Variants in SERINC5 observed in about 807,000 individuals in gnomAD.
SERINC5 encodes serine incorporator 5.
Under a neutral mutation model 63.1 loss-of-function variants are expected in SERINC5, and 41 were observed. The observed-to-expected ratio is 0.65, with a 90% confidence interval of 0.51 to 0.84. The LOEUF is 0.84. SERINC5 is among the 40% of genes least tolerant of loss of function. The pLI is 0.00. For synonymous variants in SERINC5, 222 were observed against 215.2 expected (o/e 1.03, Z -0.28); for missense variants, 523 against 573.0 (o/e 0.91, Z 0.89).
At chr5:80,135,561 A>G (rs1745134721), downstream of SERINC5, among the ~76,000 whole-genome samples, 1 of 152,216 alleles carries the variant, frequency 6.6e-6, no homozygotes, top group Non-Finnish European at 1.5e-5. Flanking sequence ...GGATGAGTGT[A>G]TGAAATCTGA....
chr5:80,227,836 G>A (rs1286157152), intron 1 of SERINC5, among the ~76,000 whole-genome samples: 4 of 152,008 alleles, frequency 2.6e-5, no homozygotes, highest in African/African-American at 7.2e-5. Context: ...ACGACAGAGT[G>A]AGACCCTGAC....
intron 1 of SERINC5, among the ~76,000 whole-genome samples, chr5:80,229,607 C>T (rs1466070982): frequency 6.7e-6 from 1 of 150,060 alleles, no homozygotes; most frequent in African/African-American, 2.5e-5. Context: ...AAAACACAGA[C>T]ATTCTGCTTA....
chr5:80,242,140 C>A (rs1751966691), intron 1 of SERINC5, among the ~76,000 whole-genome samples: 1 of 151,514 alleles, frequency 6.6e-6, no homozygotes, highest in African/African-American at 2.4e-5. Flanking sequence ...GAAAACACAA[C>A]AAAACAAAAA....
intron 1 of SERINC5, among the ~76,000 whole-genome samples, chr5:80,236,121 T>C (rs1030000869): frequency 2.8e-4 from 43 of 152,198 alleles, no homozygotes; most frequent in African/African-American, 9.2e-4. Context: ...TACTGACAAC[T>C]TACAATTTGG....
At chr5:80,158,608 C>T (rs1223244779) in intron 8 of SERINC5, 25 of 480,990 alleles carry the variant, frequency 5.2e-5, no homozygotes, top group South Asian at 2.6e-4. Flanking sequence ...GTAAGGTAAA[C>T]GAAGTTCAAA....
At chr5:80,166,119 ACT>A (rs1747283865) in intron 7 of SERINC5, among the ~76,000 whole-genome samples, 1 of 151,774 alleles carries the variant, frequency 6.6e-6, no homozygotes, top group African/African-American at 2.4e-5. Context: ...ATCCAATTAT[ACT>A]CTTTTAGTTA....
At position 80,169,559 on chromosome 5, in the gene SERINC5, G is replaced by C. The variant is rs761686750; in HGVS notation, c.552-13C>G. On this transcript the variant is annotated splice_polypyrimidine_tract_variant and intron_variant, in intron 5 of 11. Coordinates refer to ENST00000507668, the MANE Select transcript of SERINC5 (RefSeq NM_001174072.3). The stretch of plus-strand genomic sequence containing the variant: ...TGTGCCTGCTGTCCTGTTTCTCCGG[G>C]AAGTGGGTAAGAGGGAGAGGAGAGA... The C allele has an allele frequency of 6.2e-7, 1 of 1,603,752 alleles. No homozygotes were observed. The highest frequency in any genetic ancestry group is 8.5e-7 in the Non-Finnish European group (1 of 1,174,220).
chr5:80,211,025 A>G (rs1165555959), intron 1 of SERINC5, among the ~76,000 whole-genome samples: 3 of 152,070 alleles, frequency 2.0e-5, no homozygotes, highest in Non-Finnish European at 4.4e-5. Flanking sequence ...ATCACACCAC[A>G]CTCCTGTCAA....
At chr5:80,209,257 C>G (rs555405899) in intron 1 of SERINC5, among the ~76,000 whole-genome samples, 7 of 152,270 alleles carry the variant, frequency 4.6e-5, no homozygotes, top group Admixed American at 3.3e-4. Flanking sequence ...GGTGACAGAG[C>G]CAGACTCTGT....
intron 1 of SERINC5, among the ~76,000 whole-genome samples, chr5:80,249,843 GTAAC>G (rs1259538662): frequency 2.0e-5 from 3 of 151,934 alleles, no homozygotes; most frequent in Non-Finnish European, 4.4e-5. Flanking sequence ...TTAAATATAA[GTAAC>G]TGACTATAAA....
intron 11 of SERINC5, among the ~76,000 whole-genome samples, chr5:80,121,400 C>G (rs1308359159): frequency 6.6e-6 from 1 of 152,044 alleles, no homozygotes; most frequent in Non-Finnish European, 1.5e-5. Flanking sequence ...AGGATGACCT[C>G]CCTGAGATTG....
At chr5:80,238,874 T>A (rs1751828123) in intron 1 of SERINC5, among the ~76,000 whole-genome samples, 1 of 152,106 alleles carries the variant, frequency 6.6e-6, no homozygotes. Context: ...ATGAGCTCTT[T>A]GTTGAACTGC....
intron 5 of SERINC5, among the ~76,000 whole-genome samples, chr5:80,173,800 C>T (rs538921771): frequency 2.4e-4 from 36 of 151,932 alleles, no homozygotes; most frequent in Non-Finnish European, 3.5e-4. Flanking sequence ...ACCCCTGACA[C>T]CTTTTCACCT....
chr5:80,205,975 C>CAAAAA (rs368524252), intron 1 of SERINC5, among the ~76,000 whole-genome samples: 9 of 74,308 alleles, frequency 1.2e-4, no homozygotes, highest in Admixed American at 5.8e-4. Context: ...TGGTGGTGCA[C>CAAAAA]AAAAAAAAAA....
At chr5:80,250,241 G>C (rs796406558) in intron 1 of SERINC5, among the ~76,000 whole-genome samples, 2 of 151,942 alleles carry the variant, frequency 1.3e-5, no homozygotes, top group African/African-American at 4.8e-5. Flanking sequence ...CTCAAAACAA[G>C]AGAAAGATCA....
chr5:80,148,659 C>T (rs1580064642), intron 9 of SERINC5, among the ~76,000 whole-genome samples: 2 of 150,348 alleles, frequency 1.3e-5, no homozygotes, highest in Admixed American at 1.3e-4. Flanking sequence ...CAGAGTGAGG[C>T]CCTGTCTCAA....
At chr5:80,111,455 A>G (rs1284404694), downstream of SERINC5, among the ~76,000 whole-genome samples, 1 of 152,226 alleles carries the variant, frequency 6.6e-6, no homozygotes, top group Non-Finnish European at 1.5e-5. Context: ...ATCCATCACA[A>G]GGTGATAGAC....
At chr5:80,164,147 A>G (rs1182784687) in intron 7 of SERINC5, among the ~76,000 whole-genome samples, 1 of 152,094 alleles carries the variant, frequency 6.6e-6, no homozygotes, top group Non-Finnish European at 1.5e-5. Context: ...ATGGAAGTTC[A>G]TAATAGTCTG....
chr5:80,186,303 A>C (rs978077185), intron 2 of SERINC5, among the ~76,000 whole-genome samples: 12 of 152,022 alleles, frequency 7.9e-5, no homozygotes, highest in Middle Eastern at 6.8e-3. Flanking sequence ...TGCCTGGCTA[A>C]CTTTTTGTAT....
Sources: gnomAD v4.1 joint callset for allele counts (sites outside exome capture counted in the v4.1 genomes callset) on GRCh38, gnomAD v4.1.1 for gene constraint, MANE v1.5 for transcripts, NCBI Gene and HGNC (gene_info 2026-07-23, HGNC 2026-07-21) for gene names.